Variants in GRIK2 observed in about 807,000 individuals in gnomAD.
GRIK2 encodes the protein glutamate receptor ionotropic, kainate 2.
GRIK2 carries 32 observed loss-of-function variants against 100.3 expected under a neutral mutation model. The ratio of observed to expected loss-of-function variants is 0.32; its 90% CI spans 0.24 to 0.43. The LOEUF (loss-of-function observed/expected upper bound fraction) is 0.43. GRIK2 is among the 20% of genes least tolerant of loss of function. The pLI is 1.00. For missense variants in GRIK2, 843 were observed against 1,114.9 expected (o/e 0.76, Z 3.47); for synonymous variants, 417 against 389.4 (o/e 1.07, Z -0.83).
chr6:101,689,285 C>T (rs1771926411), intron 7 of GRIK2, among the ~76,000 whole-genome samples: 1 of 151,994 alleles, frequency 6.6e-6, no homozygotes, highest in Non-Finnish European at 1.5e-5. Flanking sequence ...CCTATAGTCC[C>T]ATAAAGAAAT....
At chr6:101,467,482 T>C (rs1771705958) in intron 2 of GRIK2, among the ~76,000 whole-genome samples, 1 of 152,204 alleles carries the variant, frequency 6.6e-6, no homozygotes, top group South Asian at 2.1e-4. Context: ...CCAGAGCCTC[T>C]ATGTAGCCTG....
At chr6:101,977,231 C>CTATGTTATGTTATGT (rs58581420) in intron 14 of GRIK2, among the ~76,000 whole-genome samples, 1,575 of 146,538 alleles carry the variant, frequency 0.011, 22 homozygotes, top group African/African-American at 0.03. Flanking sequence ...TTATTAGTGG[C>CTATGTTATGTTATGT]TATGTTATGT....
rs550071949 is a variant in GRIK2, at chr6:101,865,765, C to T, written c.1524+6272C>T. Among the ~76,000 whole-genome samples the T allele has an allele frequency of 5.1e-4, 77 of 151,502 alleles. 1 individual carries two copies. The highest frequency in any genetic ancestry group is 1.1e-3 in the African/African-American group (44 of 41,342). On this transcript the variant is annotated intron_variant, in intron 11 of 16. Coordinates refer to ENST00000369134, the MANE Select transcript of GRIK2 (RefSeq NM_021956.5). The stretch of plus-strand genomic sequence containing the variant: ...TTAGCTGGGTGTGCTGGTGCACTCC[C>T]GTAATCCCAGCTACTTGGGAGGCTG...
chr6:101,536,494 A>G (rs1582664672), intron 2 of GRIK2, among the ~76,000 whole-genome samples: 1 of 151,676 alleles, frequency 6.6e-6, no homozygotes, highest in Non-Finnish European at 1.5e-5. Flanking sequence ...TAGAAAAGAC[A>G]TTAACAAGGA....
chr6:101,890,765 A>G (rs1786999965), intron 12 of GRIK2, among the ~76,000 whole-genome samples: 1 of 151,984 alleles, frequency 6.6e-6, no homozygotes. Flanking sequence ...GATTGTGTCA[A>G]TATGATTTAA....
intron 7 of GRIK2, among the ~76,000 whole-genome samples, chr6:101,700,980 G>A (rs182528305): frequency 6.6e-6 from 1 of 152,140 alleles, no homozygotes; most frequent in African/African-American, 2.4e-5. Flanking sequence ...GCTTTTCACC[G>A]AAGTGGGGCT....
chr6:101,917,509 A>G (rs754024250), intron 12 of GRIK2, among the ~76,000 whole-genome samples: 1 of 151,584 alleles, frequency 6.6e-6, no homozygotes, highest in Non-Finnish European at 1.5e-5. Flanking sequence ...TTTAACGTAT[A>G]TGGGTTTTTA....
chr6:101,586,754 G>A (rs1386100090), intron 2 of GRIK2, among the ~76,000 whole-genome samples: 3 of 151,620 alleles, frequency 2.0e-5, no homozygotes, highest in Admixed American at 6.6e-5. Context: ...GCCAGGTGTG[G>A]TGGCACATAC....
At chr6:101,806,683 AG>A (rs1435086416) in intron 9 of GRIK2, among the ~76,000 whole-genome samples, 1 of 150,158 alleles carries the variant, frequency 6.7e-6, no homozygotes, top group African/African-American at 2.4e-5. Context: ...ACTTTGGCAT[AG>A]AGTAATAGAA....
intron 2 of GRIK2, among the ~76,000 whole-genome samples, chr6:101,551,138 A>G (rs1046344338): frequency 2.6e-5 from 4 of 152,112 alleles, no homozygotes; most frequent in Non-Finnish European, 5.9e-5. Flanking sequence ...GTTTCCTGAG[A>G]GCTTTTTTAG....
At chr6:101,514,180 A>G (rs190336021) in intron 2 of GRIK2, among the ~76,000 whole-genome samples, 1 of 152,250 alleles carries the variant, frequency 6.6e-6, no homozygotes, top group East Asian at 1.9e-4. Context: ...AAACAACTGA[A>G]TATCTGTATT....
At chr6:101,842,421 T>A (rs1280363171) in intron 10 of GRIK2, among the ~76,000 whole-genome samples, 1 of 152,174 alleles carries the variant, frequency 6.6e-6, no homozygotes, top group African/African-American at 2.4e-5. Flanking sequence ...ACTTTTCCCT[T>A]CTCTCACATC....
At chr6:101,837,403 C>T (rs557606461) in intron 10 of GRIK2, among the ~76,000 whole-genome samples, 89 of 152,260 alleles carry the variant, frequency 5.8e-4, no homozygotes, top group African/African-American at 2.1e-3. Flanking sequence ...ATTCTTACCA[C>T]ACACACTAAG....
rs9498640 is a variant in GRIK2 at position 101,604,553 on chromosome 6, T to C, written c.116-17396T>C. On this transcript the variant is annotated intron_variant, in intron 2 of 16. Coordinates refer to ENST00000369134, the MANE Select transcript of GRIK2 (RefSeq NM_021956.5). ...AAGTAAATACAGCCTTTGAGAAGAA[T>C]AGCCATTTTCCAAATTTTGTAACAC... is the stretch of plus-strand genomic sequence containing the variant. 3.3e-3 allele frequency among the ~76,000 whole-genome samples: 494 copies of C among 151,998 alleles called. 7 individuals are homozygous for C. The highest frequency in any genetic ancestry group is 0.012 in the African/African-American group (486 of 41,552).
At chr6:101,821,888 C>T (rs919192616) in intron 10 of GRIK2, among the ~76,000 whole-genome samples, 1 of 151,986 alleles carries the variant, frequency 6.6e-6, no homozygotes, top group Non-Finnish European at 1.5e-5. Flanking sequence ...TGAATAATGA[C>T]ATTTCTCCCA....
At chr6:102,055,903 TAC>T (rs1206220839) in intron 16 of GRIK2, among the ~76,000 whole-genome samples, 3 of 151,864 alleles carry the variant, frequency 2.0e-5, no homozygotes, top group African/African-American at 7.2e-5. Context: ...TATGATGAGA[TAC>T]AGTTAATTAA....
intron 2 of GRIK2, among the ~76,000 whole-genome samples, chr6:101,538,844 TTGA>T (rs945288485): frequency 2.6e-5 from 4 of 151,804 alleles, no homozygotes; most frequent in African/African-American, 9.7e-5. Flanking sequence ...TGTTGTTGCC[TTGA>T]TGAATGTTTT....
chr6:101,787,291 G>A (rs1018556695), intron 7 of GRIK2, among the ~76,000 whole-genome samples: 3 of 150,180 alleles, frequency 2.0e-5, no homozygotes, highest in Admixed American at 2.0e-4. Flanking sequence ...TATTTTTTAA[G>A]TCTCTATTTC....
intron 4 of GRIK2, among the ~76,000 whole-genome samples, chr6:101,652,344 A>T (rs548637982): frequency 6.6e-6 from 1 of 152,232 alleles, no homozygotes; most frequent in East Asian, 1.9e-4. Context: ...CTGTGAGGAT[A>T]CAAAAAGGTG....
Sources: allele counts gnomAD v4.1 joint callset (sites outside exome capture counted in the v4.1 genomes callset), GRCh38; gene constraint gnomAD v4.1.1; transcripts MANE v1.5; gene names NCBI Gene and HGNC (gene_info 2026-07-23, HGNC 2026-07-21).